NFX1: variants seen among roughly 807,000 people sequenced by gnomAD.
NFX1 encodes nuclear transcription factor, X-box binding 1, also known as transcriptional repressor NF-X1.
NFX1 carries 69 observed loss-of-function variants against 137.2 expected under a neutral mutation model. That is an observed-to-expected ratio of 0.50 (90% CI 0.41 to 0.61). The LOEUF is 0.61. Ranked by LOEUF, NFX1 falls within the 20% of genes least tolerant of loss-of-function variation. The pLI, the probability that NFX1 is intolerant of heterozygous loss-of-function variation, is 0.00. For synonymous variants in NFX1, 495 were observed against 474.1 expected, an observed-to-expected ratio of 1.04 and a Z score of -0.57; for missense variants, 1,167 against 1,391.0, an observed-to-expected ratio of 0.84 and a Z score of 2.56.
intron 2 of NFX1, among the ~76,000 whole-genome samples, chr9:33,296,734 A>G (rs893661918): frequency 1.3e-5 from 2 of 152,206 alleles, no homozygotes; most frequent in African/African-American, 4.8e-5. Context: ...GCGGGGGGAA[A>G]AAAGTTACTT....
chr9:33,340,722 G>A (rs1174980415), intron 12 of NFX1, among the ~76,000 whole-genome samples: 2 of 152,056 alleles, frequency 1.3e-5, no homozygotes, highest in African/African-American at 4.8e-5. Context: ...TGAATGCTTC[G>A]CTACTTAGAA....
At chr9:33,356,681 T>C (rs1823820115) in intron 19 of NFX1, among the ~76,000 whole-genome samples, 1 of 152,082 alleles carries the variant, frequency 6.6e-6, no homozygotes, top group Non-Finnish European at 1.5e-5. Flanking sequence ...TGAGTATGGA[T>C]AAGGAGAGTT....
Position 33,358,508 on chromosome 9 carries a change from CA to C in NFX1, c.2873+3625del, listed in dbSNP as rs369579784. On this transcript the variant is annotated intron_variant, in intron 19 of 23. Transcript: ENST00000379540. ...TTGTTTTTGACCAGGTTGACATCCT[CA>C]AAAAAAAATGCAAATTACAAGGACT... Among the ~76,000 whole-genome samples, 237 of 148,980 alleles carry C rather than the reference CA, an allele frequency of 1.6e-3. 7 individuals are homozygous for C. In the South Asian group the frequency reaches 0.042, roughly 26 times the overall value.
chr9:33,358,171 C>T (rs1823873654), intron 19 of NFX1, among the ~76,000 whole-genome samples: 1 of 152,002 alleles, frequency 6.6e-6, no homozygotes, highest in Non-Finnish European at 1.5e-5. Flanking sequence ...GTTTCCCAGG[C>T]TGGAGTGCAA....
At position 33,354,594 on chromosome 9, in the gene NFX1, T is replaced by C. The variant is rs4878533; in HGVS notation, c.2832-257T>C. On this transcript the variant is annotated intron_variant, in intron 18 of 23. Coordinates refer to ENST00000379540, the MANE Select transcript of NFX1 (RefSeq NM_002504.6). ...CCTAGACCCCATAACAGAGAGGCCA[T>C]CATCCCACCTGTCCTTCAGAGGGAC... Among the ~76,000 whole-genome samples, 264 of 152,304 alleles carry C rather than the reference T, an allele frequency of 1.7e-3. 7 individuals are homozygous for C. The East Asian group carries it at 0.038, about 22-fold the overall frequency.
chr9:33,300,143 C>G (rs1366867416), intron 2 of NFX1, among the ~76,000 whole-genome samples: 1 of 142,408 alleles, frequency 7.0e-6, no homozygotes, highest in African/African-American at 2.6e-5. Context: ...CTCACTGCAA[C>G]CTCCGCCCCC....
At chr9:33,360,797 T>C (rs1439760941) in intron 19 of NFX1, among the ~76,000 whole-genome samples, 2 of 152,246 alleles carry the variant, frequency 1.3e-5, no homozygotes, top group East Asian at 3.8e-4. Context: ...CTAGAAATTC[T>C]CTTGAAAATT....
chr9:33,336,939 T>TA (rs1179692161), intron 11 of NFX1, among the ~76,000 whole-genome samples: 2 of 152,082 alleles, frequency 1.3e-5, no homozygotes, highest in African/African-American at 4.8e-5. Context: ...CCGTCTCTAC[T>TA]AAAAATACAA....
intron 23 of NFX1, 65 bp from the exon 24 acceptor site, chr9:33,369,841 T>C (rs1369796301): frequency 8.8e-7 from 1 of 1,138,370 alleles, no homozygotes; most frequent in East Asian, 2.4e-5. Flanking sequence ...TCCTTAACTT[T>C]CTGAAGTCCT....
rs1824301614 is a variant in NFX1, at chr9:33,370,724, A to T, written c.*746A>T. 1 of 152,272 alleles carries T rather than the reference A, an allele frequency of 6.6e-6. No individual in the cohort carries two copies. Among genetic ancestry groups the T allele is most frequent in the Admixed American group, 6.5e-5 (1 of 15,286 alleles). 9.4% of individuals were successfully genotyped at this position (152,272 alleles called of 1,614,324 possible). On this transcript the variant is annotated 3_prime_UTR_variant, in exon 24 of 24. Coordinates refer to ENST00000379540, the MANE Select transcript of NFX1 (RefSeq NM_002504.6). ...CGTCCCCCATGATGGTAGGAAATATAGAGAGCAAGTTCTTCTGCCAGGGTC... is the reference window on the plus strand; with the variant it reads ...CGTCCCCCATGATGGTAGGAAATATTGAGAGCAAGTTCTTCTGCCAGGGTC...
chr9:33,367,808 G>T (rs1824213585), intron 23 of NFX1, among the ~76,000 whole-genome samples, 189 bp downstream of exon 23: 1 of 152,230 alleles, frequency 6.6e-6, no homozygotes. Context: ...TCCTAAGTTT[G>T]TTGTTTGTAG....
At chr9:33,352,502 G>T (rs1234782373) in intron 16 of NFX1, 144 bp from the exon 17 acceptor site, 3 of 729,192 alleles carry the variant, frequency 4.1e-6, no homozygotes, top group Non-Finnish European at 7.4e-6. Flanking sequence ...TTGCATGTGT[G>T]GTTAGCTTCT....
Position 33,332,507 on chromosome 9 carries a change from G to T in NFX1, c.2035+5G>T. On this transcript the variant is annotated splice_donor_5th_base_variant and intron_variant, in intron 11 of 23. Coordinates refer to ENST00000379540, the MANE Select transcript of NFX1 (RefSeq NM_002504.6). ...GTACCAGTCTCAAAAGTGAAGGTAT[G>T]ACTGGGGTGGGGCATGAGGGAATTT... is the stretch of plus-strand genomic sequence containing the variant. 1.3e-6 allele frequency: 2 copies of T among 1,574,252 alleles called. No individual in the cohort carries two copies. The highest frequency in any genetic ancestry group is 2.3e-5 in the South Asian group (2 of 87,334).
intron 9 of NFX1, among the ~76,000 whole-genome samples, chr9:33,321,840 C>G (rs1007042194): frequency 6.7e-6 from 1 of 150,302 alleles, no homozygotes; most frequent in African/African-American, 2.5e-5. Context: ...GAATGCAGCA[C>G]TGCACTCCAG....
At chr9:33,367,909 A>G (rs1465175657) in intron 23 of NFX1, among the ~76,000 whole-genome samples, 1 of 152,180 alleles carries the variant, frequency 6.6e-6, no homozygotes, top group Non-Finnish European at 1.5e-5. Context: ...CATACCAGAT[A>G]GTTTAAGACT....
In NFX1 at chr9:33,319,063, A is replaced by C; in HGVS notation, c.1842A>C (p.Thr614=). The C allele has an allele frequency of 6.2e-7, 1 of 1,614,234 alleles. No individual in the cohort carries two copies. The highest frequency in any genetic ancestry group is 8.5e-7 in the Non-Finnish European group (1 of 1,180,042). The part of the protein sequence containing the change: ...LLELGSSSRK[T]CMDPVPSCGK... ...AACTTGGAAGTAGTAGTCGGAAAACATGCATGGACCCTGTGCCTTCATGTG... is the reference window on the plus strand; with the variant it reads ...AACTTGGAAGTAGTAGTCGGAAAACCTGCATGGACCCTGTGCCTTCATGTG... Residue 614 remains threonine, a synonymous_variant, in exon 9 of 24, where the codon ACA becomes ACC. Coordinates refer to ENST00000379540, the MANE Select transcript of NFX1 (RefSeq NM_002504.6).
intron 4 of NFX1, among the ~76,000 whole-genome samples, chr9:33,305,166 T>C (rs1447355307): frequency 6.6e-6 from 1 of 152,220 alleles, no homozygotes; most frequent in Non-Finnish European, 1.5e-5. Context: ...GAGCTTACAG[T>C]CTAAGAGTTA....
chr9:33,307,355 C>G, intron 5 of NFX1, 56 bp downstream of exon 5: 1 of 1,454,920 alleles, frequency 6.9e-7, no homozygotes, highest in Non-Finnish European at 9.6e-7. Context: ...TTGCTGGTGG[C>G]TCTAAGTAAA....
At chr9:33,338,388 A>G in intron 11 of NFX1, 122 bp from the exon 12 acceptor site, 1 of 890,368 alleles carries the variant, frequency 1.1e-6, no homozygotes, top group Non-Finnish European at 1.7e-6. Context: ...AACTGCATTT[A>G]CATTATTACA....
Sources: allele counts gnomAD v4.1 joint callset (sites outside exome capture counted in the v4.1 genomes callset), GRCh38; gene constraint gnomAD v4.1.1; transcripts MANE v1.5; gene names NCBI Gene and HGNC (gene_info 2026-07-23, HGNC 2026-07-21).